KRT222: variants seen among roughly 807,000 people sequenced by gnomAD.
The protein encoded by KRT222 is keratin 222.
Under a neutral mutation model 35.0 loss-of-function variants are expected in KRT222, and 23 were observed. The observed-to-expected ratio is 0.66, with a 90% CI of 0.47 to 0.93. The LOEUF (loss-of-function observed/expected upper bound fraction) is 0.93, where lower values mean the gene tolerates loss of function less well. Among genes scored for constraint, KRT222 ranks in the 40% least tolerant of loss-of-function variants. The pLI, the probability that KRT222 is intolerant of heterozygous loss-of-function variation, is 0.00. For missense variants in KRT222, 339 were observed against 346.3 expected (o/e 0.98, Z 0.17); for synonymous variants, 108 against 118.8 (o/e 0.91, Z 0.59).
chr17:40,665,058 A>T lies in KRT222; in HGVS notation c.42T>A (p.Tyr14Ter). 1 of 1,614,090 alleles carries T rather than the reference A, an allele frequency of 6.2e-7. No individual in the cohort carries two copies. Among genetic ancestry groups the T allele is most frequent in the Non-Finnish European group, 8.5e-7 (1 of 1,180,020 alleles). Residue 14 changes from tyrosine (Y) to a stop codon, truncating the protein, a stop_gained, in exon 1 of 6, where the codon TAT becomes TAA. Coordinates refer to ENST00000394052, the MANE Select transcript of KRT222 (RefSeq NM_152349.3). LOFTEE classifies it high-confidence loss of function. ...SQLLNEIRANYEKILTRNQIE... is the reference protein window; with the variant it reads ...SQLLNEIRAN Reference sequence around the variant, plus strand: ...TCTGATTTCTGGTGAGGATCTTTTCATAGTTTGCCCTGATCTCATTGAGTA... The same window carrying T: ...TCTGATTTCTGGTGAGGATCTTTTCTTAGTTTGCCCTGATCTCATTGAGTA...
chr17:40,661,882 T>A (rs774398193), intron 2 of KRT222, 34 bp downstream of exon 2: 1 of 1,606,268 alleles, frequency 6.2e-7, no homozygotes. Context: ...ATCTGAGGAC[T>A]CGATGGGTCG....
chr17:40,657,831 T>C lies in KRT222; in HGVS notation c.447-81A>G, dbSNP rs1232562143. 4.3e-6 allele frequency: 4 copies of C among 931,974 alleles called. No individual in the cohort carries two copies. The East Asian group carries it at 9.6e-5, about 22-fold the overall frequency. 57.7% of individuals were successfully genotyped at this position (931,974 alleles called of 1,614,324 possible). A position where few individuals can be genotyped will look rare whatever the true frequency, so the allele number is the denominator to read the frequency against. On this transcript the variant is annotated intron_variant, in intron 3 of 5. Coordinates refer to ENST00000394052, the MANE Select transcript of KRT222 (RefSeq NM_152349.3). ...AACAAACAGGAGAATGGATAAATCGTATATTCACGCAATAGAAACACTATT... is the reference window on the plus strand; with the variant it reads ...AACAAACAGGAGAATGGATAAATCGCATATTCACGCAATAGAAACACTATT...
chr17:40,661,875 T>C lies in KRT222; in HGVS notation c.225+41A>G, dbSNP rs202059721. The C allele has an allele frequency of 3.4e-5, 55 of 1,600,854 alleles. No individual in the cohort carries two copies. In the African/African-American group the frequency reaches 6.2e-4, roughly 18 times the overall value. The stretch of plus-strand genomic sequence containing the variant: ...TTCCTTCTCTTAATCAAATCACATC[T>C]GAGGACTCGATGGGTCGGTTACTTT... On this transcript the variant is annotated intron_variant, in intron 2 of 5. Coordinates refer to ENST00000394052, the MANE Select transcript of KRT222 (RefSeq NM_152349.3).
chr17:40,657,751 C>A lies in KRT222; in HGVS notation c.447-1G>T. On this transcript the variant is annotated splice_acceptor_variant, in intron 3 of 5. Coordinates refer to ENST00000394052, the MANE Select transcript of KRT222 (RefSeq NM_152349.3). LOFTEE classifies it high-confidence loss of function. ...CCCACCTTGGATACAACCATAATAT[C>A]TGAAATCAGAAAGAATTTTATTTTA... 1 of 1,602,498 alleles carries A rather than the reference C, an allele frequency of 6.2e-7. No individual in the cohort carries two copies. The highest frequency in any genetic ancestry group is 8.5e-7 in the Non-Finnish European group (1 of 1,171,290).
chr17:40,659,983 G>A lies in KRT222; in HGVS notation c.446+4C>T, dbSNP rs1314047259. On this transcript the variant is annotated splice_donor_region_variant and intron_variant, in intron 3 of 5. Coordinates refer to ENST00000394052, the MANE Select transcript of KRT222 (RefSeq NM_152349.3). ...CTTGTCATTAACTAAATGGATTTAGGTACCTGATTTCTTCTTTTTCTAGGA... is the reference window on the plus strand; with the variant it reads ...CTTGTCATTAACTAAATGGATTTAGATACCTGATTTCTTCTTTTTCTAGGA... 1 of 1,610,290 alleles carries A rather than the reference G, an allele frequency of 6.2e-7. No individual in the cohort carries two copies. The highest frequency in any genetic ancestry group is 1.1e-5 in the South Asian group (1 of 90,962).
intron 1 of KRT222, among the ~76,000 whole-genome samples, chr17:40,663,434 G>A (rs1207330534): frequency 6.6e-6 from 1 of 152,148 alleles, no homozygotes; most frequent in Non-Finnish European, 1.5e-5. Flanking sequence ...CAAGAAGTCT[G>A]GATACCCTGC....
chr17:40,663,579 C>T (rs769835774), intron 1 of KRT222, among the ~76,000 whole-genome samples: 1 of 152,192 alleles, frequency 6.6e-6, no homozygotes, highest in Non-Finnish European at 1.5e-5. Context: ...CCCAGTCATG[C>T]CCCAAGACGA....
intron 1 of KRT222, among the ~76,000 whole-genome samples, chr17:40,662,887 CTT>C (rs1597758680): frequency 6.6e-6 from 1 of 151,732 alleles, no homozygotes; most frequent in Admixed American, 6.6e-5. Flanking sequence ...AAATTTATAA[CTT>C]TTAATTTTCT....
In KRT222 at chr17:40,656,474, A is replaced by C. The variant is rs368293684; in HGVS notation, c.816T>G (p.Asp272Glu). ...CLETKQDNLP[D>E]IEVRLIMRRS... ...TTCTCATGATAAGCCTGACTTCTAT[A>C]TCTGGTAGATTATCCTGCTTAGTCT... The change falls in exon 6 of 6, where the codon GAT (aspartate) becomes GAG (glutamate). Residue 272 changes from aspartate (D) to glutamate (E), a missense_variant. Transcript: ENST00000394052. The C allele has an allele frequency of 6.2e-7, 1 of 1,613,786 alleles. No individual in the cohort carries two copies. Among genetic ancestry groups the C allele is most frequent in the Admixed American group, 1.7e-5 (1 of 59,986 alleles).
At chr17:40,661,560 C>T (rs1482274351) in intron 2 of KRT222, among the ~76,000 whole-genome samples, 6 of 152,194 alleles carry the variant, frequency 3.9e-5, no homozygotes, top group African/African-American at 1.4e-4. Flanking sequence ...GCCACAGTGT[C>T]AGCCTAAATA....
intron 2 of KRT222, 24 bp downstream of exon 2, chr17:40,661,892 G>A (rs1356313645): frequency 1.9e-6 from 3 of 1,608,920 alleles, no homozygotes; most frequent in East Asian, 2.2e-5. Flanking sequence ...TCGATGGGTC[G>A]GTTACTTTTG....
At chr17:40,660,924 T>G (rs1189534941) in intron 2 of KRT222, among the ~76,000 whole-genome samples, 1 of 152,164 alleles carries the variant, frequency 6.6e-6, no homozygotes, top group Non-Finnish European at 1.5e-5. Context: ...TAAAAGGCAT[T>G]TAGGAACATG....
chr17:40,663,774 G>A (rs770862472), intron 1 of KRT222, among the ~76,000 whole-genome samples: 3 of 152,182 alleles, frequency 2.0e-5, no homozygotes, highest in East Asian at 1.9e-4. Flanking sequence ...AAAACTCACC[G>A]TAGTCTTGCT....
rs756966009 is a variant in KRT222 at position 40,656,388 on chromosome 17, A to T, written c.*14T>A. 6.2e-7 allele frequency: 1 copy of T among 1,600,178 alleles called. No individual in the cohort carries two copies. Among genetic ancestry groups the T allele is most frequent in the South Asian group, 1.1e-5 (1 of 90,758 alleles). ...TCCTAACATTTTCCAATCAAGTCAAATACTATCTTTGGATTAATTAGCTGT... is the reference window on the plus strand; with the variant it reads ...TCCTAACATTTTCCAATCAAGTCAATTACTATCTTTGGATTAATTAGCTGT... On this transcript the variant is annotated 3_prime_UTR_variant, in exon 6 of 6. Coordinates refer to ENST00000394052, the MANE Select transcript of KRT222 (RefSeq NM_152349.3).
At chr17:40,661,884 G>A (rs767854493) in intron 2 of KRT222, 32 bp downstream of exon 2, 153 of 1,605,884 alleles carry the variant, frequency 9.5e-5, no homozygotes, top group Admixed American at 3.4e-5. Context: ...CTGAGGACTC[G>A]ATGGGTCGGT....
intron 2 of KRT222, among the ~76,000 whole-genome samples, chr17:40,661,512 C>T (rs376057493): frequency 1.2e-4 from 18 of 152,124 alleles, no homozygotes; most frequent in African/African-American, 4.1e-4. Flanking sequence ...GCAATCAGCC[C>T]ACCTCAGCCT....
In KRT222 at chr17:40,660,132, T is replaced by C. The variant is rs751930556; in HGVS notation, c.301A>G (p.Ile101Val). 18 of 1,614,054 alleles carry C rather than the reference T, an allele frequency of 1.1e-5. No individual in the cohort carries two copies. In the East Asian group the frequency reaches 3.8e-4, roughly 34 times the overall value. ...QMQLQDLETVIEGLEKELQEV... is the reference protein window; with the variant it reads ...QMQLQDLETVVEGLEKELQEV... The stretch of plus-strand genomic sequence containing the variant: ...TGTAGCTCTTTTTCTAGTCCTTCAA[T>C]CACAGTCTCTAGGTCTTGCAGCTGC... The change falls in exon 3 of 6, where the codon ATT becomes GTT. Residue 101 changes from isoleucine (I) to valine (V), a missense_variant. Transcript: ENST00000394052.
At position 40,659,997 on chromosome 17, in the gene KRT222, C is replaced by T. The variant is rs1567853334; in HGVS notation, c.436G>A (p.Glu146Lys). ...IATYRHLLEK[E>K]EIRYYGCIQG... Reference sequence around the variant, plus strand: ...AATGGATTTAGGTACCTGATTTCTTCTTTTTCTAGGAGGTGGCGATAAGTT... The same window carrying T: ...AATGGATTTAGGTACCTGATTTCTTTTTTTTCTAGGAGGTGGCGATAAGTT... Residue 146 changes from glutamate to lysine, a missense_variant, in exon 3 of 6, where the codon GAA becomes AAA. Glu to Lys is a moderately conservative substitution (Grantham distance 56). Transcript: ENST00000394052. 4 of 1,613,804 alleles carry T rather than the reference C, an allele frequency of 2.5e-6. No individual in the cohort carries two copies. The Admixed American group carries it at 5.0e-5, about 20-fold the overall frequency.
intron 3 of KRT222, 136 bp downstream of exon 3, chr17:40,659,851 C>A (rs1041963691): frequency 2.7e-6 from 2 of 749,506 alleles, no homozygotes; most frequent in African/African-American, 1.7e-5. Context: ...GCAGTGCATA[C>A]CTTATTGTAT....
Sources: gnomAD v4.1 joint callset for allele counts (sites outside exome capture counted in the v4.1 genomes callset) on GRCh38, gnomAD v4.1.1 for gene constraint, MANE v1.5 for transcripts, NCBI Gene and HGNC (gene_info 2026-07-23, HGNC 2026-07-21) for gene names.